The following EYA1 variants were observed in gnomAD, a reference collection of about 807,000 sequenced individuals.
EYA1 encodes the protein protein phosphatase EYA1.
Under a neutral mutation model 82.0 loss-of-function variants are expected in EYA1, and 16 were observed. That is an observed-to-expected ratio of 0.20 (90% CI 0.13 to 0.30). EYA1 has a LOEUF of 0.30. EYA1 is among the 10% of genes least tolerant of loss of function. The pLI is 1.00. For synonymous variants in EYA1, 261 were observed against 264.4 expected, an observed-to-expected ratio of 0.99 and a Z score of 0.12; for missense variants, 633 against 730.7, an observed-to-expected ratio of 0.87 and a Z score of 1.54.
chr8:71,415,122 A>C (rs1474555311), intron 2 of EYA1, among the ~76,000 whole-genome samples: 1 of 152,186 alleles, frequency 6.6e-6, no homozygotes, highest in South Asian at 2.1e-4. Flanking sequence ...GTGTACCGGC[A>C]ATATAAAGGA....
At chr8:71,234,922 C>T (rs530257047) in intron 12 of EYA1, among the ~76,000 whole-genome samples, 7 of 152,118 alleles carry the variant, frequency 4.6e-5, no homozygotes, top group Admixed American at 4.6e-4. Context: ...CAGCCACCCC[C>T]CAAACACACT....
intron 12 of EYA1, among the ~76,000 whole-genome samples, chr8:71,221,772 G>A (rs1184065700): frequency 6.6e-6 from 1 of 152,122 alleles, no homozygotes; most frequent in Non-Finnish European, 1.5e-5. Flanking sequence ...AATGTTAACT[G>A]AATGCAGGCA....
rs1400371168 is a variant in EYA1 at position 71,317,696 on chromosome 8, CAGTT to C, written c.419-11_419-8del. 2 of 1,613,920 alleles carry C rather than the reference CAGTT, an allele frequency of 1.2e-6. No individual in the cohort carries two copies. Among genetic ancestry groups the C allele is most frequent in the Non-Finnish European group, 1.7e-6 (2 of 1,179,804 alleles). On this transcript the variant is annotated splice_region_variant and splice_polypyrimidine_tract_variant and intron_variant, in intron 6 of 17. Coordinates refer to ENST00000340726, the MANE Select transcript of EYA1 (RefSeq NM_000503.6). The stretch of plus-strand genomic sequence containing the variant: ...ATGCCTGCCCACAATGCACCTAAAT[CAGTT>C]AGTGATAGCTTATCTATCTGTCCAT...
rs1184965563 is a variant in EYA1 at position 71,502,336 on chromosome 8, T to C, written c.33+33408A>G. Among the ~76,000 whole-genome samples the C allele has an allele frequency of 2.0e-5, 3 of 152,202 alleles. No homozygotes were observed. The East Asian group carries it at 5.8e-4, about 29-fold the overall frequency. ...CTCATTCTTCTTTGTCTGCTCCACATATTTCTTTTATAGGGAAATAAACTG... is the reference window on the plus strand; with the variant it reads ...CTCATTCTTCTTTGTCTGCTCCACACATTTCTTTTATAGGGAAATAAACTG... On this transcript the variant is annotated intron_variant, in intron 2 of 18. Transcript: ENST00000643681.
intron 2 of EYA1, among the ~76,000 whole-genome samples, chr8:71,442,850 A>G (rs1470479518): frequency 2.0e-5 from 3 of 152,210 alleles, no homozygotes; most frequent in Non-Finnish European, 4.4e-5. Flanking sequence ...TCAATACTGA[A>G]GTCATAACAT....
intron 2 of EYA1, among the ~76,000 whole-genome samples, chr8:71,437,392 C>T (rs917390084): frequency 6.6e-6 from 1 of 151,842 alleles, no homozygotes; most frequent in Non-Finnish European, 1.5e-5. Context: ...CTGATGCCCT[C>T]TTTATAACCA....
intron 7 of EYA1, among the ~76,000 whole-genome samples, chr8:71,311,791 C>T (rs1402036428): frequency 1.3e-5 from 2 of 152,178 alleles, no homozygotes; most frequent in Non-Finnish European, 2.9e-5. Context: ...AGTGATCTTA[C>T]AGCAAAGGTG....
At chr8:71,362,482 A>G (rs576378827), upstream of EYA1, among the ~76,000 whole-genome samples, 1 of 152,182 alleles carries the variant, frequency 6.6e-6, no homozygotes, top group South Asian at 2.1e-4. Flanking sequence ...AAACTTAGGG[A>G]ATCCACTACT....
intron 12 of EYA1, among the ~76,000 whole-genome samples, chr8:71,228,977 T>C (rs554960083): frequency 1.3e-5 from 2 of 152,332 alleles, no homozygotes; most frequent in South Asian, 2.1e-4. Context: ...CAAAAGCATC[T>C]AGCGGGAGGG....
rs568630237 is a variant in EYA1, at chr8:71,479,600, T to C, written c.33+56144A>G. Among the ~76,000 whole-genome samples, 3 of 115,032 alleles carry C rather than the reference T, an allele frequency of 2.6e-5. No individual in the cohort carries two copies. In the South Asian group the frequency reaches 9.7e-4, roughly 37 times the overall value. 75.5% of individuals were successfully genotyped at this position (115,032 alleles called of 152,430 possible). A position where few individuals can be genotyped will look rare whatever the true frequency, so the allele number is the denominator to read the frequency against. ...GTTGAATGAGCAGAAACAGTAAAAA[T>C]ACCTTTAGAACACTTTCTTTATGAA... On this transcript the variant is annotated intron_variant, in intron 2 of 18. Transcript: ENST00000643681.
chr8:71,348,686 C>T (rs1182066302), intron 3 of EYA1, among the ~76,000 whole-genome samples: 2 of 152,208 alleles, frequency 1.3e-5, no homozygotes, highest in Non-Finnish European at 2.9e-5. Flanking sequence ...GGCCACCCCT[C>T]TATTCCTCTA....
At chr8:71,398,949 C>T (rs1017495971) in intron 2 of EYA1, among the ~76,000 whole-genome samples, 6 of 152,184 alleles carry the variant, frequency 3.9e-5, no homozygotes, top group South Asian at 2.1e-4. Context: ...CCACCCAGTT[C>T]GAGCTTCCTG....
intron 4 of EYA1, 110 bp downstream of exon 4, chr8:71,333,987 C>G: frequency 3.9e-6 from 3 of 775,046 alleles, no homozygotes; most frequent in Non-Finnish European, 6.9e-6. Context: ...ACGTATATAC[C>G]CACATATATA....
At chr8:71,536,401 G>A (rs977006495) in intron 1 of EYA1, among the ~76,000 whole-genome samples, 4 of 152,168 alleles carry the variant, frequency 2.6e-5, no homozygotes, top group African/African-American at 9.7e-5. Flanking sequence ...GGATGATCAA[G>A]TCTGCACCTT....
At chr8:71,251,538 T>C (rs1336870091) in intron 11 of EYA1, among the ~76,000 whole-genome samples, 1 of 152,224 alleles carries the variant, frequency 6.6e-6, no homozygotes, top group Non-Finnish European at 1.5e-5. Flanking sequence ...GTTGTCATCC[T>C]AGGCTACCCA....
At chr8:71,224,957 C>A (rs1810382599) in intron 12 of EYA1, among the ~76,000 whole-genome samples, 2 of 152,178 alleles carry the variant, frequency 1.3e-5, no homozygotes, top group Admixed American at 6.5e-5. Flanking sequence ...AAGGAAGAAG[C>A]CAATTGATGG....
At chr8:71,530,826 G>C (rs1814208988) in intron 2 of EYA1, 1 of 152,140 alleles carries the variant, frequency 6.6e-6, no homozygotes, top group Non-Finnish European at 1.5e-5. Flanking sequence ...GCTGCTGTTA[G>C]CACTTCAAAT....
intron 14 of EYA1, among the ~76,000 whole-genome samples, chr8:71,216,480 A>G (rs1294395315): frequency 6.6e-6 from 1 of 152,186 alleles, no homozygotes; most frequent in Admixed American, 6.5e-5. Flanking sequence ...ATCACTAGGT[A>G]ACAGAGACAG....
At chr8:71,415,193 C>T (rs987101481) in intron 2 of EYA1, among the ~76,000 whole-genome samples, 4 of 152,130 alleles carry the variant, frequency 2.6e-5, no homozygotes, top group African/African-American at 9.7e-5. Context: ...CACCTTTCTT[C>T]CTCCTCTTCT....
Sources: allele counts gnomAD v4.1 joint callset (sites outside exome capture counted in the v4.1 genomes callset), GRCh38; gene constraint gnomAD v4.1.1; transcripts MANE v1.5; gene names NCBI Gene and HGNC (gene_info 2026-07-23, HGNC 2026-07-21).